Variants in CYTH1 observed in about 807,000 individuals in gnomAD.
CYTH1 encodes cytohesin 1.
Under a neutral mutation model 61.8 loss-of-function variants are expected in CYTH1, and 18 were observed. The observed-to-expected ratio is 0.29, with a 90% confidence interval of 0.20 to 0.43. The LOEUF (loss-of-function observed/expected upper bound fraction) is 0.43, where lower values mean the gene tolerates loss of function less well. Among genes scored for constraint, CYTH1 ranks in the 20% least tolerant of loss-of-function variants. CYTH1 has a pLI of 1.00. For synonymous variants in CYTH1, 174 were observed against 184.3 expected, an observed-to-expected ratio of 0.94 and a Z score of 0.45; for missense variants, 336 against 510.5, an observed-to-expected ratio of 0.66 and a Z score of 3.29.
rs760719589 is a variant in CYTH1, at chr17:78,698,801, A to G, written c.699+19T>C. ...GAACTCTTTCTTGACTTGAATGAAG[A>G]CCATTCTTCCTTGCTTACCCGGAGG... On this transcript the variant is annotated intron_variant, in intron 8 of 13. Coordinates refer to ENST00000446868, the MANE Select transcript of CYTH1 (RefSeq NM_004762.6). 2 of 1,551,418 alleles carry G rather than the reference A, an allele frequency of 1.3e-6. No individual in the cohort carries two copies. The highest frequency in any genetic ancestry group is 2.3e-5 in the Admixed American group (1 of 43,576).
At chr17:78,762,964 T>C (rs1284668171) in intron 1 of CYTH1, among the ~76,000 whole-genome samples, 2 of 152,208 alleles carry the variant, frequency 1.3e-5, no homozygotes, top group Non-Finnish European at 2.9e-5. Flanking sequence ...AGCCACTAAA[T>C]TTGTGATAAT....
intron 1 of CYTH1, among the ~76,000 whole-genome samples, chr17:78,751,684 G>C (rs532477517): frequency 6.6e-6 from 1 of 152,226 alleles, no homozygotes; most frequent in African/African-American, 2.4e-5. Context: ...ATAAGCTTTA[G>C]TGAGTAGGAA....
At chr17:78,702,710 C>T in intron 3 of CYTH1, 106 bp from the exon 4 acceptor site, 1 of 1,247,698 alleles carries the variant, frequency 8.0e-7, no homozygotes, top group Non-Finnish European at 1.2e-6. Context: ...AAGATTTATC[C>T]AGGAAAGCAA....
chr17:78,714,350 T>C lies in CYTH1; in HGVS notation c.23-4618A>G, dbSNP rs547947199. Among the ~76,000 whole-genome samples the C allele has an allele frequency of 2.6e-5, 4 of 151,910 alleles. No individual in the cohort carries two copies. In the South Asian group the frequency reaches 6.2e-4, roughly 24 times the overall value. On this transcript the variant is annotated intron_variant, in intron 1 of 13. Coordinates refer to ENST00000446868, the MANE Select transcript of CYTH1 (RefSeq NM_004762.6). ...AACAAAAACATCCATAAACCTACAATATCAAAGAGTACACAGAGAAGGGCC... is the reference window on the plus strand; with the variant it reads ...AACAAAAACATCCATAAACCTACAACATCAAAGAGTACACAGAGAAGGGCC...
chr17:78,690,814 A>G (rs973436538), intron 11 of CYTH1, among the ~76,000 whole-genome samples: 1 of 152,246 alleles, frequency 6.6e-6, no homozygotes, highest in African/African-American at 2.4e-5. Context: ...GGGCATCACG[A>G]AAAACCACAA....
chr17:78,770,576 G>A (rs1359928717), intron 1 of CYTH1, among the ~76,000 whole-genome samples: 1 of 151,866 alleles, frequency 6.6e-6, no homozygotes, highest in Non-Finnish European at 1.5e-5. Context: ...GCGCCATCAC[G>A]CCTGGCTAAT....
chr17:78,771,999 A>G (rs905129722), intron 1 of CYTH1, among the ~76,000 whole-genome samples: 1 of 152,202 alleles, frequency 6.6e-6, no homozygotes, highest in African/African-American at 2.4e-5. Flanking sequence ...GCAGTTTCAG[A>G]GGATGTGGGA....
At chr17:78,747,242 T>C (rs1377204983) in intron 1 of CYTH1, among the ~76,000 whole-genome samples, 1 of 139,442 alleles carries the variant, frequency 7.2e-6, no homozygotes, top group Non-Finnish European at 1.5e-5. Flanking sequence ...AGAGTAAGAA[T>C]AGAAAAAGTC....
chr17:78,685,471 TAA>T (rs1364287523), intron 11 of CYTH1, among the ~76,000 whole-genome samples: 1 of 109,200 alleles, frequency 9.2e-6, no homozygotes. Context: ...GCTCTATATT[TAA>T]GTTTATTTAG....
Position 78,709,707 on chromosome 17 carries a change from C to T in CYTH1, c.48G>A (p.Glu16=). Residue 16 remains glutamate, a synonymous_variant, in exon 2 of 14, where the codon GAG becomes GAA. Coordinates refer to ENST00000446868, the MANE Select transcript of CYTH1 (RefSeq NM_004762.6). ...GTCGGATGTTCTCCAGTTCTTGACGCTCCTCTGCTGTCAGGTCACTGGGAA... is the reference window on the plus strand; with the variant it reads ...GTCGGATGTTCTCCAGTTCTTGACGTTCCTCTGCTGTCAGGTCACTGGGAA... ...SYVPSDLTAE[E]RQELENIRRR... 2 of 1,614,202 alleles carry T rather than the reference C, an allele frequency of 1.2e-6. No individual in the cohort carries two copies. Among genetic ancestry groups the T allele is most frequent in the Non-Finnish European group, 1.7e-6 (2 of 1,180,040 alleles).
In CYTH1 at chr17:78,717,256, C is replaced by G. The variant is rs1485348878; in HGVS notation, c.23-7524G>C. 6.6e-6 allele frequency among the ~76,000 whole-genome samples: 1 copy of G among 152,188 alleles called. No individual in the cohort carries two copies. Among genetic ancestry groups the G allele is most frequent in the Non-Finnish European group, 1.5e-5 (1 of 68,038 alleles). The stretch of plus-strand genomic sequence containing the variant: ...GAGGGGGAGCCGCCCTGACACACCA[C>G]CCGGTCGCTCGCCCTCCTCGCCCAT... On this transcript the variant is annotated intron_variant, in intron 1 of 13. Coordinates refer to ENST00000446868, the MANE Select transcript of CYTH1 (RefSeq NM_004762.6). This position sits in a 1 kb window ranked among gnomAD's most constrained non-coding sequence, Gnocchi z 4.4.
At chr17:78,741,300 C>T (rs571295054) in intron 1 of CYTH1, among the ~76,000 whole-genome samples, 20 of 151,884 alleles carry the variant, frequency 1.3e-4, no homozygotes, top group African/African-American at 4.8e-4. Flanking sequence ...TTTGGGAGGC[C>T]AAGGTGGGAG....
At chr17:78,687,520 G>C (rs754492563) in intron 11 of CYTH1, among the ~76,000 whole-genome samples, 2 of 152,180 alleles carry the variant, frequency 1.3e-5, no homozygotes, top group Non-Finnish European at 2.9e-5. Context: ...ATTCTCAAAT[G>C]GGTCACAGAT....
intron 1 of CYTH1, among the ~76,000 whole-genome samples, chr17:78,781,170 T>TAAA (rs899046034): frequency 7.9e-6 from 1 of 126,620 alleles, no homozygotes; most frequent in African/African-American, 3.2e-5. Context: ...TCTCGTCTCT[T>TAAA]AAAAAAAAAA....
intron 1 of CYTH1, among the ~76,000 whole-genome samples, chr17:78,748,155 A>C (rs1390502368): frequency 6.6e-6 from 1 of 152,152 alleles, no homozygotes; most frequent in African/African-American, 2.4e-5. Context: ...CACACACCGG[A>C]AACAAACTAA....
chr17:78,700,202 T>A lies in CYTH1; in HGVS notation c.550+129A>T. 6 of 781,516 alleles carry A rather than the reference T, an allele frequency of 7.7e-6. No homozygotes were observed. The highest frequency in any genetic ancestry group is 1.2e-5 in the Non-Finnish European group (6 of 506,674). The allele number at this position is 781,516 out of a possible 1,614,324, so 48.4% of individuals were successfully genotyped here. ...CAGGTTATTTCCAACATTTTACTATTATAACTATCATTGAGTAAACGTTCC... is the reference window on the plus strand; with the variant it reads ...CAGGTTATTTCCAACATTTTACTATAATAACTATCATTGAGTAAACGTTCC... On this transcript the variant is annotated intron_variant, in intron 7 of 13. Transcript: ENST00000446868. This position sits in a 1 kb window ranked among gnomAD's most constrained non-coding sequence, Gnocchi z 5.1.
chr17:78,771,939 TTG>T (rs1307120001), intron 1 of CYTH1, among the ~76,000 whole-genome samples: 2 of 152,170 alleles, frequency 1.3e-5, no homozygotes, highest in East Asian at 3.8e-4. Context: ...TTCACTGCTT[TTG>T]TGTTTTTCTG....
intron 10 of CYTH1, 62 bp downstream of exon 10, chr17:78,695,945 G>A: frequency 2.2e-6 from 3 of 1,361,640 alleles, no homozygotes; most frequent in Non-Finnish European, 2.9e-6. Flanking sequence ...AACGAAATCA[G>A]AAAATGCTGC....
intron 13 of CYTH1, 77 bp from the exon 14 acceptor site, chr17:78,676,246 A>T: frequency 6.9e-7 from 1 of 1,454,238 alleles, no homozygotes; most frequent in Non-Finnish European, 9.4e-7. Flanking sequence ...GGGGATTCTC[A>T]GGGGCCCCTC....
Sources: gnomAD v4.1 joint callset for allele counts (sites outside exome capture counted in the v4.1 genomes callset) on GRCh38, gnomAD v4.1.1 for gene constraint, Gnocchi (gnomAD v3.1) non-coding constraint, MANE v1.5 for transcripts, NCBI Gene and HGNC (gene_info 2026-07-23, HGNC 2026-07-21) for gene names.